The following PTPRG variants were observed in gnomAD, a reference collection of about 807,000 sequenced individuals.
PTPRG encodes the protein protein tyrosine phosphatase receptor type G, also known as receptor-type tyrosine-protein phosphatase gamma.
In PTPRG, 102 loss-of-function variants were observed where a neutral mutation model predicts 165.3. The ratio of observed to expected loss-of-function variants is 0.62; its 90% CI spans 0.53 to 0.73. The LOEUF is 0.73. Ranked by LOEUF, PTPRG falls within the 30% of genes least tolerant of loss-of-function variation. The pLI, the probability that PTPRG is intolerant of heterozygous loss-of-function variation, is 0.00. For missense variants in PTPRG, 1,866 were observed against 1,861.4 expected, an observed-to-expected ratio of 1.00 and a Z score of -0.05; for synonymous variants, 675 against 669.5, an observed-to-expected ratio of 1.01 and a Z score of -0.13.
chr3:62,223,537 A>G (rs888245791), intron 13 of PTPRG, among the ~76,000 whole-genome samples: 1 of 152,204 alleles, frequency 6.6e-6, no homozygotes, highest in African/African-American at 2.4e-5. Context: ...GTGCCAATGA[A>G]AAACAGGTTG....
intron 5 of PTPRG, among the ~76,000 whole-genome samples, chr3:62,102,880 C>T (rs976267188): frequency 6.6e-6 from 1 of 151,064 alleles, no homozygotes; most frequent in Non-Finnish European, 1.5e-5. Context: ...CTCATGCCAT[C>T]ATCTAAATTG....
At chr3:62,021,643 C>T (rs2041694106) in intron 4 of PTPRG, among the ~76,000 whole-genome samples, 1 of 152,066 alleles carries the variant, frequency 6.6e-6, no homozygotes, top group East Asian at 1.9e-4. Context: ...CGCTTGTCTA[C>T]CTTTACCTTC....
chr3:62,020,796 C>G (rs2041670512), intron 4 of PTPRG, among the ~76,000 whole-genome samples: 1 of 151,612 alleles, frequency 6.6e-6, no homozygotes, highest in Admixed American at 6.6e-5. Flanking sequence ...TCACTGCAGC[C>G]TCGAACTCCT....
intron 2 of PTPRG, among the ~76,000 whole-genome samples, chr3:61,771,702 A>C (rs2034211145): frequency 6.6e-6 from 1 of 152,188 alleles, no homozygotes; most frequent in Non-Finnish European, 1.5e-5. Flanking sequence ...CAATTTAAAA[A>C]TATATCTCCT....
At chr3:61,894,301 CAAAAAAAAAAAAAAAA>C (rs767479285) in intron 2 of PTPRG, among the ~76,000 whole-genome samples, 11 of 49,838 alleles carry the variant, frequency 2.2e-4, no homozygotes, top group East Asian at 1.9e-3. Flanking sequence ...GACTCTGTGT[CAAAAAAAAAAAAAAAA>C]AAAAAAAAAA....
At chr3:62,292,086 T>C (rs920234841) in intron 28 of PTPRG, among the ~76,000 whole-genome samples, 1 of 152,158 alleles carries the variant, frequency 6.6e-6, no homozygotes, top group African/African-American at 2.4e-5. Flanking sequence ...TAAGAGGTTC[T>C]CTTTATTGTT....
intron 4 of PTPRG, among the ~76,000 whole-genome samples, chr3:62,029,970 C>T (rs1226757035): frequency 6.6e-6 from 1 of 152,140 alleles, no homozygotes; most frequent in Non-Finnish European, 1.5e-5. Context: ...TGACTTTATA[C>T]ATTGCTTTCA....
chr3:61,608,448 C>T (rs1026452193), intron 1 of PTPRG, among the ~76,000 whole-genome samples: 1 of 152,170 alleles, frequency 6.6e-6, no homozygotes, highest in South Asian at 2.1e-4. Flanking sequence ...TGGAGAGCTG[C>T]ATCTTTCCTT....
At chr3:61,840,119 C>G (rs1340958558) in intron 2 of PTPRG, among the ~76,000 whole-genome samples, 1 of 152,140 alleles carries the variant, frequency 6.6e-6, no homozygotes. Flanking sequence ...GATATTATAT[C>G]ATAAACATTT....
Position 62,277,690 on chromosome 3 carries a change from C to T in PTPRG, c.3765+11C>T, listed in dbSNP as rs1301084563. On this transcript the variant is annotated intron_variant, in intron 26 of 29. Transcript: ENST00000474889. ...GACAACCAGAGCTTGGTAAGTAAAG[C>T]ACATCTGCTATATATTAATGAGCCC... is the stretch of plus-strand genomic sequence containing the variant. 6.2e-7 allele frequency: 1 copy of T among 1,611,564 alleles called. No individual in the cohort carries two copies. The highest frequency in any genetic ancestry group is 8.5e-7 in the Non-Finnish European group (1 of 1,178,970).
intron 2 of PTPRG, among the ~76,000 whole-genome samples, chr3:61,888,350 T>C (rs1469142901): frequency 6.6e-6 from 1 of 152,176 alleles, no homozygotes; most frequent in Non-Finnish European, 1.5e-5. Context: ...TTTGTTGTTT[T>C]TGAGAGGGGC....
At chr3:61,681,221 A>G (rs1703431153) in intron 1 of PTPRG, among the ~76,000 whole-genome samples, 1 of 152,200 alleles carries the variant, frequency 6.6e-6, no homozygotes, top group Non-Finnish European at 1.5e-5. Flanking sequence ...CTCTGCGTTT[A>G]GAATAAATGG....
intron 2 of PTPRG, among the ~76,000 whole-genome samples, chr3:61,799,020 A>G (rs971385385): frequency 6.6e-6 from 1 of 151,944 alleles, no homozygotes; most frequent in Admixed American, 6.6e-5. Context: ...GGACATAAAC[A>G]TTAAAAATTT....
chr3:61,791,256 A>C (rs1330440072), intron 2 of PTPRG, among the ~76,000 whole-genome samples: 1 of 152,178 alleles, frequency 6.6e-6, no homozygotes, highest in African/African-American at 2.4e-5. Context: ...CATTTATCTC[A>C]GGTATTTACA....
chr3:61,689,158 A>G (rs972928672), intron 1 of PTPRG, among the ~76,000 whole-genome samples: 1 of 152,232 alleles, frequency 6.6e-6, no homozygotes, highest in African/African-American at 2.4e-5. Flanking sequence ...AGAAAAACAT[A>G]TTGCAATTCA....
At chr3:61,622,317 A>G (rs1409335283) in intron 1 of PTPRG, among the ~76,000 whole-genome samples, 1 of 152,188 alleles carries the variant, frequency 6.6e-6, no homozygotes, top group East Asian at 1.9e-4. Flanking sequence ...GAAATTGCAC[A>G]AGGTAAAGAA....
At chr3:61,622,259 T>TTAAAATGTC (rs139776916) in intron 1 of PTPRG, among the ~76,000 whole-genome samples, 3,498 of 152,280 alleles carry the variant, frequency 0.023, 40 homozygotes, top group Non-Finnish European at 0.034. Context: ...ATTTTTGTGT[T>TTAAAATGTC]TAAGTTCTTC....
chr3:61,610,757 CCCTCCCTCCCTCCCTA>C (rs1559523117), intron 1 of PTPRG, among the ~76,000 whole-genome samples: 3 of 112,718 alleles, frequency 2.7e-5, no homozygotes, highest in Non-Finnish European at 3.7e-5. Context: ...CTGCCTCCCT[CCCTCCCTCCCTCCCTA>C]CCTCCCTCCC....
chr3:62,188,439 G>T (rs979798508), intron 8 of PTPRG, among the ~76,000 whole-genome samples: 1 of 152,128 alleles, frequency 6.6e-6, no homozygotes, highest in African/African-American at 2.4e-5. Context: ...TCAATTGTGC[G>T]TATGTACTTT....
Sources: allele counts gnomAD v4.1 joint callset (sites outside exome capture counted in the v4.1 genomes callset), GRCh38; gene constraint gnomAD v4.1.1; transcripts MANE v1.5; gene names NCBI Gene and HGNC (gene_info 2026-07-23, HGNC 2026-07-21).